Variants in ANKMY1 observed in about 807,000 individuals in gnomAD.
ANKMY1 encodes the protein ankyrin repeat and MYND domain-containing protein 1.
Under a neutral mutation model 102.0 loss-of-function variants are expected in ANKMY1, and 98 were observed. The ratio of observed to expected loss-of-function variants is 0.96; its 90% CI spans 0.82 to 1.14. The LOEUF (loss-of-function observed/expected upper bound fraction) is 1.14. Ranked by LOEUF, ANKMY1 falls within the 50% of genes most tolerant of loss-of-function variation. The probability of loss-of-function intolerance (pLI) is 0.00; values close to 1 mark genes in which losing one functional copy is unlikely to be tolerated. For missense variants in ANKMY1, 1,330 were observed against 1,347.6 expected (o/e 0.99, Z 0.20); for synonymous variants, 582 against 559.9 (o/e 1.04, Z -0.56).
intron 13 of ANKMY1, among the ~76,000 whole-genome samples, chr2:240,502,272 A>G (rs6760717): frequency 0.63 from 95,034 of 150,516 alleles, 30,750 homozygotes; most frequent in East Asian, 0.79. Context: ...TGATGCAGCC[A>G]CCTACCCCAC....
intron 12 of ANKMY1, 47 bp from the exon 13 acceptor site, chr2:240,507,738 C>T: frequency 6.5e-7 from 1 of 1,547,840 alleles, no homozygotes; most frequent in South Asian, 1.3e-5. Flanking sequence ...TGTCACTTCC[C>T]CTGACAGAGG....
At chr2:240,555,922 CAGAT>C (rs1318117247) in intron 2 of ANKMY1, among the ~76,000 whole-genome samples, 21 of 152,332 alleles carry the variant, frequency 1.4e-4, no homozygotes, top group South Asian at 8.3e-4. Flanking sequence ...GAGACCCCCA[CAGAT>C]GGATGGGGCG....
rs1473174197 is a variant in ANKMY1 at position 240,506,036 on chromosome 2, G to A, written c.2526+1524C>T. Among the ~76,000 whole-genome samples the A allele has an allele frequency of 2.0e-5, 3 of 152,122 alleles. No homozygotes were observed. Among genetic ancestry groups the A allele is most frequent in the African/African-American group, 7.2e-5 (3 of 41,424 alleles). On this transcript the variant is annotated intron_variant, in intron 13 of 17. Coordinates refer to ENST00000401804, the MANE Select transcript of ANKMY1 (RefSeq NM_001282771.3). This position sits in a 1 kb window ranked among gnomAD's most constrained non-coding sequence, Gnocchi z 4.9. ...GTTCCCTAACCCCGGATGAGGCACCGGGGAGCCTCCTAACCCCGGACAAGA... is the reference window on the plus strand; with the variant it reads ...GTTCCCTAACCCCGGATGAGGCACCAGGGAGCCTCCTAACCCCGGACAAGA...
chr2:240,480,859 C>T, intron 17 of ANKMY1, 78 bp downstream of exon 17: 2 of 1,506,868 alleles, frequency 1.3e-6, no homozygotes, highest in Non-Finnish European at 1.8e-6. Context: ...GAGGGTGCCC[C>T]TCACCAGCAC....
upstream of ANKMY1, chr2:240,560,725 C>G: frequency 6.6e-7 from 1 of 1,524,850 alleles, no homozygotes; most frequent in Non-Finnish European, 8.7e-7. Context: ...GCCGCCTCGC[C>G]CGTACCTCCA....
Position 240,520,266 on chromosome 2 carries a change from C to G in ANKMY1, c.2004+96G>C. The G allele has an allele frequency of 2.0e-6, 3 of 1,486,240 alleles. No homozygotes were observed. Among genetic ancestry groups the G allele is most frequent in the Non-Finnish European group, 2.7e-6 (3 of 1,104,612 alleles). The allele number at this position is 1,486,240 out of a possible 1,614,324, so 92.1% of individuals were successfully genotyped here. A position where few individuals can be genotyped will look rare whatever the true frequency, so the allele number is the denominator to read the frequency against. On this transcript the variant is annotated intron_variant, in intron 9 of 17. Coordinates refer to ENST00000401804, the MANE Select transcript of ANKMY1 (RefSeq NM_001282771.3). This position sits in a 1 kb window ranked among gnomAD's most constrained non-coding sequence, Gnocchi z 4.8. ...CAGGTGGTCGCCTGCAAGAGCCCAC[C>G]CCTCTCTTCCGCGCCTAGGTGGAGC...
At chr2:240,521,491 CTTT>C (rs1162330484) in intron 8 of ANKMY1, among the ~76,000 whole-genome samples, 3 of 69,588 alleles carry the variant, frequency 4.3e-5, no homozygotes, top group African/African-American at 6.0e-5. Flanking sequence ...GGTGTTACAG[CTTT>C]TTTTTTTTTT....
chr2:240,491,705 T>C (rs538285498), intron 15 of ANKMY1, among the ~76,000 whole-genome samples: 14 of 152,002 alleles, frequency 9.2e-5, no homozygotes, highest in African/African-American at 2.7e-4. Context: ...GGTGGCAGCG[T>C]TTTTTTTCTT....
upstream of ANKMY1, chr2:240,560,754 C>A (rs2092915420): frequency 2.7e-6 from 4 of 1,500,690 alleles, no homozygotes; most frequent in Admixed American, 2.3e-5. Context: ...GCGCGTCGCG[C>A]CCTCACTCTT....
chr2:240,551,152 GTT>G (rs55960881), intron 4 of ANKMY1, among the ~76,000 whole-genome samples: 6 of 143,294 alleles, frequency 4.2e-5, no homozygotes, highest in Non-Finnish European at 4.6e-5. Flanking sequence ...TGCTTTTTAT[GTT>G]TTTTTTTTTT....
chr2:240,531,486 T>C (rs2085377904), intron 4 of ANKMY1, among the ~76,000 whole-genome samples: 1 of 152,220 alleles, frequency 6.6e-6, no homozygotes, highest in African/African-American at 2.4e-5. Context: ...AAGTCAAATA[T>C]GCATTTATTG....
Position 240,529,813 on chromosome 2 carries a change from G to C in ANKMY1, c.481-304C>G, listed in dbSNP as rs1313293611. On this transcript the variant is annotated intron_variant, in intron 4 of 17. Coordinates refer to ENST00000401804, the MANE Select transcript of ANKMY1 (RefSeq NM_001282771.3). The surrounding 1 kb of genome is among the most constrained non-coding windows in gnomAD (Gnocchi z 4.2). ...GAAGTCTCATGGTGAAAGCGTGTCA[G>C]AGGTACCAGGTCTGGGTTCAATTAG... is the stretch of plus-strand genomic sequence containing the variant. 2.6e-5 allele frequency among the ~76,000 whole-genome samples: 4 copies of C among 152,166 alleles called. No individual in the cohort carries two copies. The highest frequency in any genetic ancestry group is 4.4e-5 in the Non-Finnish European group (3 of 68,040).
At position 240,491,533 on chromosome 2, in the gene ANKMY1, C is replaced by T. The variant is rs141236555; in HGVS notation, c.2806+8425G>A. 4.6e-3 allele frequency among the ~76,000 whole-genome samples: 697 copies of T among 152,236 alleles called. 6 individuals carry two copies. The highest frequency in any genetic ancestry group is 0.016 in the African/African-American group (666 of 41,544). On this transcript the variant is annotated intron_variant, in intron 15 of 17. Transcript: ENST00000401804. ...TGACTTTTATACTTTTGTGTGTTTT[C>T]ATAATGGTAAATGTTGTCCTTTAGC...
Position 240,511,934 on chromosome 2 carries a change from G to A in ANKMY1, c.2213C>T (p.Thr738Met), listed in dbSNP as rs35044862. ...EPGPPQAYYSTDTALPEEGGR... is the reference protein window; with the variant it reads ...EPGPPQAYYSMDTALPEEGGR... ...CCCCTCCTCCGGGAGGGCTGTGTCCGTGCTGTAGTAGGCTTGGGGAGGGCC... is the reference window on the plus strand; with the variant it reads ...CCCCTCCTCCGGGAGGGCTGTGTCCATGCTGTAGTAGGCTTGGGGAGGGCC... Residue 738 changes from threonine (T) to methionine (M), a missense_variant, in exon 11 of 18, where the codon ACG becomes ATG. Transcript: ENST00000401804. The A allele has an allele frequency of 0.11, 170,023 of 1,575,530 alleles. 10,993 individuals carry two copies. The highest frequency in any genetic ancestry group is 0.25 in the African/African-American group (17,978 of 71,764).
chr2:240,498,111 T>C (rs1050199902), intron 15 of ANKMY1, among the ~76,000 whole-genome samples: 1 of 152,046 alleles, frequency 6.6e-6, no homozygotes, highest in Non-Finnish European at 1.5e-5. Context: ...CAAAGGTGCA[T>C]TCATGTGTGC....
intron 4 of ANKMY1, among the ~76,000 whole-genome samples, chr2:240,531,045 C>A (rs1451354406): frequency 6.6e-6 from 1 of 151,572 alleles, no homozygotes; most frequent in Admixed American, 6.6e-5. Flanking sequence ...CTCTGTAAGT[C>A]CATAAGAACA....
Position 240,529,283 on chromosome 2 carries a change from C to T in ANKMY1, c.707G>A (p.Gly236Glu). 1.9e-6 allele frequency: 3 copies of T among 1,614,150 alleles called. No homozygotes were observed. The highest frequency in any genetic ancestry group is 2.5e-6 in the Non-Finnish European group (3 of 1,180,024). The change falls in exon 5 of 18, where the codon GGA (glycine) becomes GAA (glutamate). Residue 236 changes from glycine (G) to glutamate (E), a missense_variant. By Grantham distance (98) the Gly-to-Glu change is moderately conservative. Coordinates refer to ENST00000401804, the MANE Select transcript of ANKMY1 (RefSeq NM_001282771.3). The surrounding 1 kb of genome is among the most constrained non-coding windows in gnomAD (Gnocchi z 4.2). ...EEKTEWGLQE[G>E]QDPFFYDYKR... ...ATAGTCATAGAAAAAGGGATCCTGT[C>T]CCTCCTGCAGTCCCCACTCCGTTTT...
At chr2:240,473,477 C>T in the ANKMY1 span, among the ~76,000 whole-genome samples, 12 of 48,252 alleles carry the variant, frequency 2.5e-4, no homozygotes. Flanking sequence ...AACCAATTAA[C>T]CAAAAAAAAA....
At chr2:240,491,151 C>G (rs2076609967) in intron 15 of ANKMY1, among the ~76,000 whole-genome samples, 1 of 149,102 alleles carries the variant, frequency 6.7e-6, no homozygotes, top group Non-Finnish European at 1.5e-5. Context: ...TATAAGTATA[C>G]CTAGTTACTC....
Sources: gnomAD v4.1 joint callset for allele counts (sites outside exome capture counted in the v4.1 genomes callset) on GRCh38, gnomAD v4.1.1 for gene constraint, Gnocchi (gnomAD v3.1) non-coding constraint, MANE v1.5 for transcripts, NCBI Gene and HGNC (gene_info 2026-07-23, HGNC 2026-07-21) for gene names.